The following DIP2C variants were observed in gnomAD, a reference collection of about 807,000 sequenced individuals.
The protein encoded by DIP2C is DIP2 acetate--CoA ligase C (putative), also known as disco-interacting protein 2 homolog C.
DIP2C carries 33 observed loss-of-function variants against 192.4 expected under a neutral mutation model. The ratio of observed to expected loss-of-function variants is 0.17; its 90% CI spans 0.13 to 0.23. DIP2C has a LOEUF of 0.23. DIP2C is among the 10% of genes least tolerant of loss of function. The pLI, the probability that DIP2C is intolerant of heterozygous loss-of-function variation, is 1.00. For missense variants in DIP2C, 1,537 were observed against 2,110.1 expected (o/e 0.73, Z 5.32); for synonymous variants, 979 against 864.1 (o/e 1.13, Z -2.33).
At chr10:344,230 T>C (rs1958303041) in intron 28 of DIP2C, among the ~76,000 whole-genome samples, 1 of 152,078 alleles carries the variant, frequency 6.6e-6, no homozygotes, top group African/African-American at 2.4e-5. Flanking sequence ...TTTTGAAAAA[T>C]TATTTTATTT....
At chr10:321,390 C>T (rs1419552563) in intron 31 of DIP2C, among the ~76,000 whole-genome samples, 1 of 152,230 alleles carries the variant, frequency 6.6e-6, no homozygotes, top group East Asian at 1.9e-4. Context: ...ACATCCTAAG[C>T]CCTGCTGCAC....
intron 16 of DIP2C, 136 bp from the exon 17 acceptor site, chr10:382,897 A>G (rs1962508811): frequency 7.8e-6 from 4 of 515,402 alleles, no homozygotes; most frequent in Non-Finnish European, 1.3e-5. Context: ...ATTTAATACA[A>G]TTTATTATTT....
chr10:391,220 T>C (rs190446070), intron 10 of DIP2C, among the ~76,000 whole-genome samples: 1 of 152,288 alleles, frequency 6.6e-6, no homozygotes, highest in Non-Finnish European at 1.5e-5. Flanking sequence ...GCAATTACTG[T>C]AGAGAATAGA....
chr10:481,548 T>C (rs1349353034), intron 2 of DIP2C, among the ~76,000 whole-genome samples: 1 of 152,236 alleles, frequency 6.6e-6, no homozygotes, highest in African/African-American at 2.4e-5. Context: ...TTCCACTGAT[T>C]GGATGGTGCT....
intron 31 of DIP2C, among the ~76,000 whole-genome samples, chr10:315,446 C>CT (rs1038714704): frequency 1.3e-5 from 2 of 152,178 alleles, no homozygotes; most frequent in African/African-American, 4.8e-5. Context: ...TAAGTATCTG[C>CT]TTTTCTCTTC....
At chr10:316,668 C>T (rs943098954) in intron 31 of DIP2C, among the ~76,000 whole-genome samples, 1 of 152,174 alleles carries the variant, frequency 6.6e-6, no homozygotes, top group African/African-American at 2.4e-5. Context: ...GAGCGGGAGC[C>T]AGCGGCTTTC....
At chr10:538,167 G>T (rs903576789) in intron 1 of DIP2C, among the ~76,000 whole-genome samples, 3 of 152,134 alleles carry the variant, frequency 2.0e-5, no homozygotes, top group African/African-American at 7.2e-5. Flanking sequence ...TTCCCGAGGA[G>T]TTTTCTTTGG....
intron 3 of DIP2C, among the ~76,000 whole-genome samples, chr10:443,755 A>G (rs1029081042): frequency 6.6e-6 from 1 of 152,078 alleles, no homozygotes; most frequent in African/African-American, 2.4e-5. Flanking sequence ...TATATTCACT[A>G]ATTTATTAAG....
At chr10:627,110 G>T (rs537096336) in intron 1 of DIP2C, among the ~76,000 whole-genome samples, 1 of 152,264 alleles carries the variant, frequency 6.6e-6, no homozygotes, top group Non-Finnish European at 1.5e-5. Flanking sequence ...GTGGGGCTCA[G>T]AGATGGGTGG....
intron 6 of DIP2C, among the ~76,000 whole-genome samples, chr10:417,132 A>T (rs1450255715): frequency 2.0e-5 from 3 of 152,186 alleles, no homozygotes; most frequent in African/African-American, 4.8e-5. Flanking sequence ...AGCCCAACTA[A>T]TTTGGTTCAG....
chr10:509,156 A>G (rs1419707771), intron 1 of DIP2C, among the ~76,000 whole-genome samples: 1 of 152,082 alleles, frequency 6.6e-6, no homozygotes, highest in Non-Finnish European at 1.5e-5. Context: ...CTAGGGGTCG[A>G]TTGGTTTTTT....
chr10:502,746 A>T (rs1446938247), intron 1 of DIP2C, among the ~76,000 whole-genome samples: 1 of 152,204 alleles, frequency 6.6e-6, no homozygotes, highest in African/African-American at 2.4e-5. Context: ...TATAAAAAAC[A>T]CTTAGGTATA....
chr10:526,410 C>CG (rs1309081300), intron 1 of DIP2C, among the ~76,000 whole-genome samples: 1 of 151,968 alleles, frequency 6.6e-6, no homozygotes. Context: ...TGTTTAGGTT[C>CG]ATACCACTGT....
chr10:621,882 T>C (rs1853873374), intron 1 of DIP2C, among the ~76,000 whole-genome samples: 1 of 152,104 alleles, frequency 6.6e-6, no homozygotes, highest in Admixed American at 6.5e-5. Context: ...AACTGAAACA[T>C]GTGACCTAGA....
Position 277,492 on chromosome 10 carries a change from C to T in DIP2C, c.4504G>A (p.Val1502Met). 6.2e-7 allele frequency: 1 copy of T among 1,614,222 alleles called. No individual in the cohort carries two copies. The highest frequency in any genetic ancestry group is 8.5e-7 in the Non-Finnish European group (1 of 1,180,042). Residue 1502 changes from valine to methionine, a missense_variant, in exon 37 of 37, where the codon GTG becomes ATG. By Grantham distance (21) the Val-to-Met change is conservative (BLOSUM62 1). Coordinates refer to ENST00000280886, the MANE Select transcript of DIP2C (RefSeq NM_014974.3). ...EQEALDLVPL[V>M]TNVVLEEHYL... is the part of the protein sequence containing the mutation. ...TGCTCCTCCAGGACCACGTTGGTCACCAAGGGAACCAGGTCCAAGGCTTCT... is the reference window on the plus strand; with the variant it reads ...TGCTCCTCCAGGACCACGTTGGTCATCAAGGGAACCAGGTCCAAGGCTTCT...
At chr10:393,778 CAAAAAA>C (rs34390976) in intron 10 of DIP2C, among the ~76,000 whole-genome samples, 12 of 66,734 alleles carry the variant, frequency 1.8e-4, no homozygotes, top group Non-Finnish European at 2.7e-4. Flanking sequence ...GACTCCGTCT[CAAAAAA>C]AAAAAAAAAA....
chr10:578,688 A>C (rs149633631), intron 1 of DIP2C, among the ~76,000 whole-genome samples: 112 of 152,330 alleles, frequency 7.4e-4, no homozygotes, highest in African/African-American at 2.5e-3. Flanking sequence ...GCCATAGAGC[A>C]CACACACATC....
At chr10:288,220 G>T in intron 33 of DIP2C, 144 bp downstream of exon 33, 1 of 756,996 alleles carries the variant, frequency 1.3e-6, no homozygotes, top group South Asian at 2.2e-5. Flanking sequence ...CTGTTATTTT[G>T]AGTTTCTATA....
chr10:371,779 C>A (rs562599184), intron 17 of DIP2C, among the ~76,000 whole-genome samples: 1 of 152,138 alleles, frequency 6.6e-6, no homozygotes, highest in African/African-American at 2.4e-5. Context: ...CACGTCCAGA[C>A]GCCCAGCCCT....
Sources: allele counts gnomAD v4.1 joint callset (sites outside exome capture counted in the v4.1 genomes callset), GRCh38; gene constraint gnomAD v4.1.1; transcripts MANE v1.5; gene names NCBI Gene and HGNC (gene_info 2026-07-23, HGNC 2026-07-21).